The following ANKS1B variants were observed in gnomAD, a reference collection of about 807,000 sequenced individuals.
ANKS1B encodes ankyrin repeat and sterile alpha motif domain containing 1B.
ANKS1B carries 36 observed loss-of-function variants against 148.3 expected under a neutral mutation model. That is an observed-to-expected ratio of 0.24 (90% confidence interval 0.19 to 0.32). ANKS1B has a LOEUF of 0.32. ANKS1B is among the 10% of genes least tolerant of loss of function. ANKS1B has a pLI of 1.00. For missense variants in ANKS1B, 1,157 were observed against 1,542.6 expected (o/e 0.75, Z 4.19); for synonymous variants, 542 against 560.8 (o/e 0.97, Z 0.47).
chr12:99,404,924 G>A lies in ANKS1B; in HGVS notation c.1576-5113C>T, dbSNP rs1312061004. Among the ~76,000 whole-genome samples, 11 of 146,104 alleles carry A rather than the reference G, an allele frequency of 7.5e-5. 1 individual carries two copies. The highest frequency in any genetic ancestry group is 1.7e-4 in the Non-Finnish European group (11 of 66,046). ...CAGCAAGAGAAAAGAAGCAAATAAC[G>A]TACAATGAAGCTCCAATATGCTTGG... On this transcript the variant is annotated intron_variant, in intron 11 of 26. Transcript: ENST00000683438.
intron 12 of ANKS1B, among the ~76,000 whole-genome samples, chr12:99,328,404 G>GA (rs545241438): frequency 2.6e-5 from 4 of 152,016 alleles, no homozygotes; most frequent in African/African-American, 4.8e-5. Context: ...AACACTGGGG[G>GA]AAAAAACACC....
At chr12:99,277,892 GA>G (rs1235887051) in intron 12 of ANKS1B, among the ~76,000 whole-genome samples, 1 of 152,202 alleles carries the variant, frequency 6.6e-6, no homozygotes, top group African/African-American at 2.4e-5. Flanking sequence ...CTGAACAATA[GA>G]TATTTGTCTT....
intron 9 of ANKS1B, among the ~76,000 whole-genome samples, chr12:99,644,178 T>G (rs1431885360): frequency 6.6e-6 from 1 of 152,222 alleles, no homozygotes; most frequent in East Asian, 1.9e-4. Context: ...CACATAACCA[T>G]AGAATATAAT....
chr12:99,939,033 G>C (rs2094851259), intron 1 of ANKS1B, among the ~76,000 whole-genome samples: 1 of 152,026 alleles, frequency 6.6e-6, no homozygotes, highest in East Asian at 1.9e-4. Context: ...AGCTTATTTG[G>C]GGGCCTGCAT....
At chr12:99,701,231 C>G (rs1312263367) in intron 8 of ANKS1B, among the ~76,000 whole-genome samples, 3 of 152,106 alleles carry the variant, frequency 2.0e-5, no homozygotes, top group South Asian at 2.1e-4. Context: ...TGGGTTTGCA[C>G]TTTGGGGTTG....
intron 20 of ANKS1B, among the ~76,000 whole-genome samples, chr12:98,802,594 C>CTTTTTTTTTTTTTTTTTTTTT (rs397850118): frequency 2.9e-5 from 1 of 34,790 alleles, no homozygotes; most frequent in African/African-American, 1.1e-4. Flanking sequence ...AATGCACAGG[C>CTTTTTTTTTTTTTTTTTTTTT]TTTTTTTTTT....
At chr12:99,847,960 A>C (rs1036455749) in intron 1 of ANKS1B, among the ~76,000 whole-genome samples, 4 of 151,998 alleles carry the variant, frequency 2.6e-5, no homozygotes, top group Non-Finnish European at 5.9e-5. Flanking sequence ...GAAATGACAA[A>C]TTGTTCCTGG....
intron 8 of ANKS1B, among the ~76,000 whole-genome samples, chr12:99,675,064 T>C (rs1437911412): frequency 6.6e-6 from 1 of 151,954 alleles, no homozygotes; most frequent in Non-Finnish European, 1.5e-5. Context: ...AGATAACATG[T>C]TTTATCAATC....
At chr12:99,819,369 G>A (rs1260088767) in intron 2 of ANKS1B, among the ~76,000 whole-genome samples, 3 of 151,922 alleles carry the variant, frequency 2.0e-5, no homozygotes, top group Admixed American at 6.6e-5. Context: ...GTTATTCAAA[G>A]AGCAACTTCA....
intron 8 of ANKS1B, among the ~76,000 whole-genome samples, chr12:99,677,757 A>T (rs2098587215): frequency 6.6e-6 from 1 of 151,970 alleles, no homozygotes; most frequent in Non-Finnish European, 1.5e-5. Flanking sequence ...GCAGATCACG[A>T]GGTCAGGAGA....
At chr12:98,856,930 G>A (rs1292685267) in intron 17 of ANKS1B, among the ~76,000 whole-genome samples, 16 of 152,040 alleles carry the variant, frequency 1.1e-4, no homozygotes. Flanking sequence ...CTTAATACCT[G>A]GTGAGAGGGA....
At chr12:98,807,116 T>A (rs1291223337) in intron 20 of ANKS1B, among the ~76,000 whole-genome samples, 1 of 152,216 alleles carries the variant, frequency 6.6e-6, no homozygotes, top group East Asian at 1.9e-4. Context: ...AATAGTATTT[T>A]AAAATATGGA....
At chr12:98,748,292 G>A (rs1329050660) in intron 26 of ANKS1B, among the ~76,000 whole-genome samples, 1 of 152,196 alleles carries the variant, frequency 6.6e-6, no homozygotes, top group African/African-American at 2.4e-5. Context: ...GACAGCTAAG[G>A]GTGAGGAGGT....
chr12:99,589,320 C>T (rs1281584694), intron 9 of ANKS1B, among the ~76,000 whole-genome samples: 1 of 152,178 alleles, frequency 6.6e-6, no homozygotes, highest in Non-Finnish European at 1.5e-5. Context: ...CTCTCTTTTC[C>T]TCAGAAGCCT....
At chr12:98,815,147 T>A (rs1029545983) in intron 19 of ANKS1B, among the ~76,000 whole-genome samples, 3 of 152,222 alleles carry the variant, frequency 2.0e-5, no homozygotes, top group Non-Finnish European at 2.9e-5. Context: ...TGGAGCATTC[T>A]CAGAAATTGC....
intron 9 of ANKS1B, among the ~76,000 whole-genome samples, chr12:99,581,134 T>C (rs1185155333): frequency 6.6e-6 from 1 of 152,096 alleles, no homozygotes; most frequent in Non-Finnish European, 1.5e-5. Flanking sequence ...ATTGGGAAAT[T>C]AACACTATTT....
At chr12:98,970,118 C>T (rs560484369) in intron 17 of ANKS1B, among the ~76,000 whole-genome samples, 1 of 152,316 alleles carries the variant, frequency 6.6e-6, no homozygotes, top group African/African-American at 2.4e-5. Context: ...TGGAGTTTTG[C>T]TTTCAAGACT....
At chr12:99,303,309 C>A (rs899320161) in intron 12 of ANKS1B, among the ~76,000 whole-genome samples, 5 of 152,134 alleles carry the variant, frequency 3.3e-5, no homozygotes, top group African/African-American at 1.2e-4. Flanking sequence ...CAGATACTTA[C>A]TTTTCTGTTT....
intron 12 of ANKS1B, among the ~76,000 whole-genome samples, chr12:99,340,585 TTAG>T (rs1453149412): frequency 3.9e-5 from 6 of 151,906 alleles, no homozygotes; most frequent in African/African-American, 1.4e-4. Context: ...CCCAGTACCA[TTAG>T]TAATATCAAT....
Sources: gnomAD v4.1 joint callset for allele counts (sites outside exome capture counted in the v4.1 genomes callset) on GRCh38, gnomAD v4.1.1 for gene constraint, MANE v1.5 for transcripts, NCBI Gene and HGNC (gene_info 2026-07-23, HGNC 2026-07-21) for gene names.